Variants in NCKAP5 observed in about 807,000 individuals in gnomAD.
The protein encoded by NCKAP5 is nck-associated protein 5.
NCKAP5 carries 92 observed loss-of-function variants against 167.0 expected under a neutral mutation model. The observed-to-expected ratio is 0.55, with a 90% CI of 0.47 to 0.66. The LOEUF (loss-of-function observed/expected upper bound fraction) is 0.66, where lower values mean the gene tolerates loss of function less well. Ranked by LOEUF, NCKAP5 falls within the 30% of genes least tolerant of loss-of-function variation. The pLI is 0.00. For synonymous variants in NCKAP5, 891 were observed against 877.4 expected (o/e 1.02, Z -0.27); for missense variants, 2,378 against 2,315.0 (o/e 1.03, Z -0.56).
intron 7 of NCKAP5, among the ~76,000 whole-genome samples, chr2:132,980,468 T>C (rs965311493): frequency 1.3e-5 from 2 of 152,152 alleles, no homozygotes; most frequent in African/African-American, 4.8e-5. Context: ...ACAGCCAAAT[T>C]TGAGAGTCAC....
chr2:133,404,291 T>C (rs1035230742), intron 3 of NCKAP5, among the ~76,000 whole-genome samples: 1 of 152,136 alleles, frequency 6.6e-6, no homozygotes, highest in Non-Finnish European at 1.5e-5. Flanking sequence ...TGCAAAACAA[T>C]ATTATGAAAT....
At chr2:132,883,379 CACCTT>C (rs1691944822) in intron 8 of NCKAP5, among the ~76,000 whole-genome samples, 1 of 152,114 alleles carries the variant, frequency 6.6e-6, no homozygotes, top group Non-Finnish European at 1.5e-5. Context: ...AGGCTTCTTC[CACCTT>C]TGCCCCCACC....
At chr2:133,377,006 A>T (rs1686190229) in intron 3 of NCKAP5, among the ~76,000 whole-genome samples, 1 of 152,222 alleles carries the variant, frequency 6.6e-6, no homozygotes, top group South Asian at 2.1e-4. Context: ...TGTCTGAGGT[A>T]TCAGAAGTAA....
intron 6 of NCKAP5, among the ~76,000 whole-genome samples, chr2:133,031,519 G>A (rs959107529): frequency 6.6e-6 from 1 of 152,180 alleles, no homozygotes; most frequent in Non-Finnish European, 1.5e-5. Context: ...TTGAAAGGCA[G>A]TCTGGGCCAT....
chr2:133,496,347 G>C (rs1247354113), intron 3 of NCKAP5, among the ~76,000 whole-genome samples: 1 of 152,120 alleles, frequency 6.6e-6, no homozygotes, highest in African/African-American at 2.4e-5. Context: ...GTCAGTTCCA[G>C]TCCAACATCT....
At chr2:132,970,929 T>G (rs978673301) in intron 7 of NCKAP5, among the ~76,000 whole-genome samples, 2 of 152,222 alleles carry the variant, frequency 1.3e-5, no homozygotes, top group Non-Finnish European at 2.9e-5. Context: ...CTTCTCCATC[T>G]TCTAGTCACT....
rs6736952 is a variant in NCKAP5, at chr2:133,059,643, G to A, written c.342-65404C>T. Among the ~76,000 whole-genome samples the A allele has an allele frequency of 7.8e-4, 118 of 150,722 alleles. 2 individuals are homozygous for A. Among genetic ancestry groups the A allele is most frequent in the African/African-American group, 2.8e-3 (113 of 41,006 alleles). ...AGCTGCAATCATGCCATTGCCACTC[G>A]AGCCTGAGTGACAGAGTGAGATGCT... On this transcript the variant is annotated intron_variant, in intron 6 of 19. Transcript: ENST00000409261.
At chr2:133,343,288 T>C (rs1456836639) in intron 3 of NCKAP5, among the ~76,000 whole-genome samples, 2 of 152,068 alleles carry the variant, frequency 1.3e-5, no homozygotes, top group African/African-American at 2.4e-5. Context: ...TCCAGATTAA[T>C]AGCTATCTTG....
At chr2:133,235,829 G>C (rs540456065) in intron 4 of NCKAP5, among the ~76,000 whole-genome samples, 3 of 151,570 alleles carry the variant, frequency 2.0e-5, no homozygotes, top group South Asian at 2.1e-4. Context: ...ACTTGGACCC[G>C]GGAGGCAGAT....
chr2:132,764,716 C>T (rs570425893), intron 16 of NCKAP5, among the ~76,000 whole-genome samples: 5 of 152,200 alleles, frequency 3.3e-5, no homozygotes, highest in African/African-American at 1.2e-4. Context: ...GCACTTCCCA[C>T]CCACATTTTG....
chr2:133,052,718 C>CA (rs112451840), intron 6 of NCKAP5, among the ~76,000 whole-genome samples: 2,111 of 81,768 alleles, frequency 0.026, 35 homozygotes, highest in African/African-American at 0.075. Flanking sequence ...AACTCTGTCA[C>CA]AAAAAAAAAA....
chr2:133,639,360 A>G, the NCKAP5 span, among the ~76,000 whole-genome samples: 11 of 152,300 alleles, frequency 7.2e-5, no homozygotes, highest in Non-Finnish European at 1.2e-4. Context: ...AGAAGACATG[A>G]CGATAGCAAC....
intron 8 of NCKAP5, among the ~76,000 whole-genome samples, chr2:132,905,875 T>C (rs970462064): frequency 6.6e-6 from 1 of 152,126 alleles, no homozygotes; most frequent in Non-Finnish European, 1.5e-5. Flanking sequence ...TGCAAATATT[T>C]TTTTCCTTCT....
chr2:133,150,389 G>A (rs543741072), intron 5 of NCKAP5, among the ~76,000 whole-genome samples: 1 of 151,964 alleles, frequency 6.6e-6, no homozygotes, highest in Admixed American at 6.6e-5. Context: ...ATCCACTGGG[G>A]GTCTGAATGG....
At chr2:133,193,732 G>A (rs1419930249) in intron 5 of NCKAP5, among the ~76,000 whole-genome samples, 2 of 152,094 alleles carry the variant, frequency 1.3e-5, no homozygotes, top group Non-Finnish European at 2.9e-5. Flanking sequence ...TGAGTAGACA[G>A]CTAACTTTGC....
intron 3 of NCKAP5, among the ~76,000 whole-genome samples, chr2:133,426,350 C>T (rs1689799437): frequency 6.9e-6 from 1 of 144,138 alleles, no homozygotes; most frequent in Non-Finnish European, 1.5e-5. Context: ...CAGTAAAATC[C>T]AGAGGAAAAT....
the NCKAP5 span, among the ~76,000 whole-genome samples, chr2:133,622,560 C>G: frequency 3.3e-5 from 5 of 151,388 alleles, no homozygotes; most frequent in Non-Finnish European, 7.4e-5. Flanking sequence ...AAAACAAAAA[C>G]AAAAAGAAAA....
At chr2:133,211,257 G>T (rs763150573) in intron 5 of NCKAP5, among the ~76,000 whole-genome samples, 5 of 152,040 alleles carry the variant, frequency 3.3e-5, no homozygotes, top group Non-Finnish European at 7.4e-5. Flanking sequence ...TAGAGACAGG[G>T]TTTTGCTCTG....
At chr2:133,429,845 G>A (rs1690047528) in intron 3 of NCKAP5, among the ~76,000 whole-genome samples, 1 of 152,066 alleles carries the variant, frequency 6.6e-6, no homozygotes, top group African/African-American at 2.4e-5. Flanking sequence ...CCCAATAATG[G>A]GATTGCTGGG....
Sources: gnomAD v4.1 joint callset for allele counts (sites outside exome capture counted in the v4.1 genomes callset) on GRCh38, gnomAD v4.1.1 for gene constraint, MANE v1.5 for transcripts, NCBI Gene and HGNC (gene_info 2026-07-23, HGNC 2026-07-21) for gene names.